The following ITGB5 variants were observed in gnomAD, a reference collection of about 807,000 sequenced individuals.
The protein encoded by ITGB5 is integrin subunit beta 5.
In ITGB5, 38 loss-of-function variants were observed where a neutral mutation model predicts 84.8. The ratio of observed to expected loss-of-function variants is 0.45; its 90% CI spans 0.35 to 0.59. The LOEUF (loss-of-function observed/expected upper bound fraction) is 0.59, where lower values mean the gene tolerates loss of function less well. Ranked by LOEUF, ITGB5 falls within the 20% of genes least tolerant of loss-of-function variation. ITGB5 has a pLI of 0.01. For synonymous variants in ITGB5, 393 were observed against 414.4 expected (o/e 0.95, Z 0.63); for missense variants, 905 against 1,034.5 (o/e 0.87, Z 1.72).
At chr3:124,874,091 C>T (rs1934189987) in intron 1 of ITGB5, among the ~76,000 whole-genome samples, 1 of 148,590 alleles carries the variant, frequency 6.7e-6, no homozygotes, top group African/African-American at 2.5e-5. Context: ...CAAGGCTAGG[C>T]ATGGTGGCTC....
At chr3:124,811,753 C>A (rs1180084939) in intron 8 of ITGB5, among the ~76,000 whole-genome samples, 1 of 152,190 alleles carries the variant, frequency 6.6e-6, no homozygotes. Context: ...ATCAGAAACT[C>A]TTAAGACATT....
intron 11 of ITGB5, among the ~76,000 whole-genome samples, chr3:124,773,458 G>A (rs1363610512): frequency 6.6e-6 from 1 of 152,204 alleles, no homozygotes; most frequent in Non-Finnish European, 1.5e-5. Flanking sequence ...CAGAGTAGCA[G>A]TTTTGTATTT....
At chr3:124,877,117 C>T (rs1466873929) in intron 1 of ITGB5, among the ~76,000 whole-genome samples, 2 of 149,652 alleles carry the variant, frequency 1.3e-5, no homozygotes, top group African/African-American at 4.9e-5. Flanking sequence ...ACTCCAGGTA[C>T]ACATCACCAC....
chr3:124,863,392 A>AT (rs748709058), intron 2 of ITGB5: 14 of 152,288 alleles, frequency 9.2e-5, no homozygotes, highest in Non-Finnish European at 1.9e-4. Context: ...AGAGTAAGCC[A>AT]TAACTGATTT....
At chr3:124,859,067 A>G (rs2065258927) in intron 3 of ITGB5, among the ~76,000 whole-genome samples, 175 bp downstream of exon 3, 1 of 152,212 alleles carries the variant, frequency 6.6e-6, no homozygotes, top group Non-Finnish European at 1.5e-5. Context: ...CTGTCCACAG[A>G]CACATCAATA....
chr3:124,850,005 G>A (rs1048923449), intron 3 of ITGB5, among the ~76,000 whole-genome samples: 6 of 151,740 alleles, frequency 4.0e-5, no homozygotes, highest in African/African-American at 1.5e-4. Context: ...GTGTGTAGAG[G>A]CACAACAGCA....
In ITGB5 at chr3:124,841,411, T is replaced by C. The variant is rs760909172; in HGVS notation, c.752A>G (p.Asp251Gly). The stretch of plus-strand genomic sequence containing the variant: ...GCAGACGGCTGCCTGGAGTACTGCA[T>C]CAAAGCCCCCCTCAGGGGCATCTCG... ...RNRDAPEGGFDAVLQAAVCKE... is the reference protein window; with the variant it reads ...RNRDAPEGGFGAVLQAAVCKE... Residue 251 changes from aspartate (D) to glycine (G), a missense_variant, in exon 5 of 15, where the codon GAT becomes GGT. By Grantham distance (94) the Asp-to-Gly change is moderately conservative (BLOSUM62 -1). Transcript: ENST00000296181. 1.9e-6 allele frequency: 3 copies of C among 1,614,154 alleles called. No homozygotes were observed. Among genetic ancestry groups the C allele is most frequent in the South Asian group, 2.2e-5 (2 of 91,066 alleles).
chr3:124,844,223 A>G (rs1373971026), intron 4 of ITGB5, among the ~76,000 whole-genome samples: 101 of 150,864 alleles, frequency 6.7e-4, no homozygotes, highest in African/African-American at 2.0e-3. Context: ...AAAAAAAAAA[A>G]AAAAAAAAAG....
intron 2 of ITGB5, among the ~76,000 whole-genome samples, chr3:124,866,977 G>A (rs1223192191): frequency 6.6e-6 from 1 of 152,192 alleles, no homozygotes; most frequent in Non-Finnish European, 1.5e-5. Flanking sequence ...GTTCTTTAAA[G>A]AATCTATAGT....
At chr3:124,765,262 G>A (rs2063750241) in intron 13 of ITGB5, among the ~76,000 whole-genome samples, 1 of 152,196 alleles carries the variant, frequency 6.6e-6, no homozygotes, top group East Asian at 1.9e-4. Flanking sequence ...GTTACTCCAA[G>A]GCAAAGGCTA....
chr3:124,765,552 A>G (rs1253811896), intron 13 of ITGB5, among the ~76,000 whole-genome samples: 5 of 152,216 alleles, frequency 3.3e-5, no homozygotes, highest in Non-Finnish European at 7.3e-5. Flanking sequence ...TTGGCTGTGC[A>G]GGGTAGGTAT....
chr3:124,876,365 A>C (rs1344047922), intron 1 of ITGB5, among the ~76,000 whole-genome samples: 3 of 152,260 alleles, frequency 2.0e-5, no homozygotes, highest in South Asian at 4.1e-4. Flanking sequence ...GGTTAAAAAA[A>C]AAACAAACCA....
intron 3 of ITGB5, among the ~76,000 whole-genome samples, chr3:124,855,984 T>G (rs537070519): frequency 2.6e-4 from 40 of 152,308 alleles, no homozygotes; most frequent in African/African-American, 4.6e-4. Context: ...TGTTGTTGTT[T>G]TTGTTTTTTA....
In ITGB5 at chr3:124,796,577, C is replaced by T. The variant is rs1285730634; in HGVS notation, c.1504G>A (p.Asp502Asn). 3 of 1,614,056 alleles carry T rather than the reference C, an allele frequency of 1.9e-6. No individual in the cohort carries two copies. The Admixed American group carries it at 5.0e-5, about 27-fold the overall frequency. ...TGGTACACGCTCTGGTTCTCCCCATCCTGGCACTCGCACCTGGTGCCCAGG... is the reference window on the plus strand; with the variant it reads ...TGGTACACGCTCTGGTTCTCCCCATTCTGGCACTCGCACCTGGTGCCCAGG... ...GYLGTRCECQ[D>N]GENQSVYQNL... Residue 502 changes from aspartate to asparagine, a missense_variant, in exon 10 of 15, where the codon GAT becomes AAT. Physicochemically the swap from Asp to Asn is conservative, Grantham distance 23. This residue lies in a region of ITGB5 where 656 missense variants were observed against 734.7 expected (regional missense o/e 0.89). Coordinates refer to ENST00000296181, the MANE Select transcript of ITGB5 (RefSeq NM_002213.5).
At chr3:124,872,322 G>A (rs1392913068) in intron 2 of ITGB5, among the ~76,000 whole-genome samples, 1 of 152,134 alleles carries the variant, frequency 6.6e-6, no homozygotes, top group Admixed American at 6.6e-5. Context: ...GACCTTGAGT[G>A]AGTTATTTTA....
rs572243737 is a variant in ITGB5, at chr3:124,809,398, G to A, written c.1129-242C>T. 2.4e-4 allele frequency: 121 copies of A among 496,722 alleles called. 1 individual carries two copies. Among genetic ancestry groups the A allele is most frequent in the African/African-American group, 2.1e-3 (108 of 52,236 alleles). 30.8% of individuals were successfully genotyped at this position (496,722 alleles called of 1,614,324 possible). A position where few individuals can be genotyped will look rare whatever the true frequency, so the allele number is the denominator to read the frequency against. On this transcript the variant is annotated intron_variant, in intron 8 of 14. Coordinates refer to ENST00000296181, the MANE Select transcript of ITGB5 (RefSeq NM_002213.5). ...TGTGAGTTTGGAGAAGTTGATAGTG[G>A]TTGACCTGCCATATGATATTATCTG...
At chr3:124,773,563 C>A (rs926378680) in intron 11 of ITGB5, 127 bp downstream of exon 11, 2 of 764,166 alleles carry the variant, frequency 2.6e-6, no homozygotes, top group Non-Finnish European at 4.3e-6. Context: ...GGCTCCCCAG[C>A]GAGGCTTGCT....
rs367801042 is a variant in ITGB5, at chr3:124,819,752, T to C, written c.1025A>G (p.Tyr342Cys). 6.2e-7 allele frequency: 1 copy of C among 1,611,214 alleles called. No homozygotes were observed. Among genetic ancestry groups the C allele is most frequent in the Admixed American group, 1.7e-5 (1 of 60,018 alleles). The change falls in exon 7 of 15, where the codon TAT becomes TGT. Residue 342 changes from tyrosine (Y) to cysteine (C), a missense_variant. This residue lies in a region of ITGB5 where 656 missense variants were observed against 734.7 expected (regional missense o/e 0.89). Transcript: ENST00000296181. ...CTCCCAGCATACCTTGTACAGCATA[T>C]AATGGTTTTTTGTCACTGCAAAGAT... is the stretch of plus-strand genomic sequence containing the variant. The part of the protein sequence containing the change: ...NLIFAVTKNH[Y>C]MLYKNFTALI...
chr3:124,851,143 G>A (rs906221801), intron 3 of ITGB5, among the ~76,000 whole-genome samples: 4 of 152,252 alleles, frequency 2.6e-5, no homozygotes, highest in African/African-American at 4.8e-5. Flanking sequence ...CTTGGATTCC[G>A]GGAGGCTGAG....
Sources: gnomAD v4.1 joint callset for allele counts (sites outside exome capture counted in the v4.1 genomes callset) on GRCh38, gnomAD v4.1.1 for gene constraint, gnomAD v4.1.1 regional missense constraint, MANE v1.5 for transcripts, NCBI Gene and HGNC (gene_info 2026-07-23, HGNC 2026-07-21) for gene names.